Variants in MUC22 observed in about 807,000 individuals in gnomAD.
The protein encoded by MUC22 is mucin 22, also known as mucin-22.
Under a neutral mutation model 40.3 loss-of-function variants are expected in MUC22, and 24 were observed. The ratio of observed to expected loss-of-function variants is 0.60; its 90% CI spans 0.43 to 0.84. The LOEUF (loss-of-function observed/expected upper bound fraction) is 0.84, where lower values mean the gene tolerates loss of function less well. Among genes scored for constraint, MUC22 ranks in the 40% least tolerant of loss-of-function variants. The probability of loss-of-function intolerance (pLI) is 0.00; values close to 1 mark genes in which losing one functional copy is unlikely to be tolerated. For missense variants in MUC22, 1,926 were observed against 2,130.7 expected, an observed-to-expected ratio of 0.90 and a Z score of 1.89; for synonymous variants, 765 against 844.5, an observed-to-expected ratio of 0.91 and a Z score of 1.63.
intron 1 of MUC22, among the ~76,000 whole-genome samples, chr6:31,016,413 G>A (rs756914283): frequency 2.2e-4 from 33 of 152,280 alleles, no homozygotes; most frequent in Middle Eastern, 3.4e-3. Flanking sequence ...TAGCAGAGAC[G>A]TGGCAGTTTA....
intron 1 of MUC22, among the ~76,000 whole-genome samples, chr6:31,020,680 G>A (rs942269627): frequency 5.9e-5 from 9 of 152,156 alleles, no homozygotes; most frequent in Non-Finnish European, 1.0e-4. Flanking sequence ...TGGGCTGGCC[G>A]AGGCCAGAGC....
In MUC22 at chr6:31,032,801, C is replaced by A. The variant is rs186088081; in HGVS notation, c.5055+220C>A. 7.0e-4 allele frequency among the ~76,000 whole-genome samples: 107 copies of A among 152,048 alleles called. No individual in the cohort carries two copies. Among genetic ancestry groups the A allele is most frequent in the Non-Finnish European group, 1.3e-3 (85 of 67,984 alleles). On this transcript the variant is annotated intron_variant, in intron 3 of 3. Coordinates refer to ENST00000561890, the Ensembl canonical transcript of MUC22. This position sits in a 1 kb window ranked among gnomAD's most constrained non-coding sequence, Gnocchi z 4.1. ...GAGGAGGGAAAAGATGGAGTTGGGG[C>A]CAAAGTGAAGGGAAATACTGACAGA...
intron 1 of MUC22, among the ~76,000 whole-genome samples, chr6:31,017,062 G>A (rs139477060): frequency 6.6e-5 from 10 of 152,202 alleles, no homozygotes; most frequent in African/African-American, 1.4e-4. Flanking sequence ...CCTGCAGCCC[G>A]CCATGCCTGA....
intron 1 of MUC22, among the ~76,000 whole-genome samples, chr6:31,021,153 C>A (rs373070204): frequency 6.6e-6 from 1 of 152,252 alleles, no homozygotes. Flanking sequence ...GGCCCCGGGG[C>A]GGGATCCACT....
At position 31,011,639 on chromosome 6, in the gene MUC22, C is replaced by G. The variant is rs1763874331; in HGVS notation, c.70+863C>G. On this transcript the variant is annotated intron_variant, in intron 1 of 3. Coordinates refer to ENST00000561890, the Ensembl canonical transcript of MUC22. This position sits in a 1 kb window ranked among gnomAD's most constrained non-coding sequence, Gnocchi z 4.5. The stretch of plus-strand genomic sequence containing the variant: ...GACTTTGCAATTGTGAATTGTGCTG[C>G]TATAAACATGTGTGTGCAAGTGTCT... Among the ~76,000 whole-genome samples, 4 of 152,160 alleles carry G rather than the reference C, an allele frequency of 2.6e-5. No homozygotes were observed. The highest frequency in any genetic ancestry group is 2.6e-4 in the Admixed American group (4 of 15,280).
chr6:31,025,972 A>T (rs757637609), exon 2 of MUC22: 1 of 1,533,806 alleles, frequency 6.5e-7, no homozygotes, highest in South Asian at 1.2e-5. Flanking sequence ...GGCCTCCACC[A>T]CAGGCTCTGA....
chr6:31,021,909 ACTTTTTG>A (rs1248201387), intron 1 of MUC22, among the ~76,000 whole-genome samples: 2 of 152,136 alleles, frequency 1.3e-5, no homozygotes, highest in African/African-American at 4.8e-5. Flanking sequence ...GCTACTGCTC[ACTTTTTG>A]GGTCTACACT....
chr6:31,007,518 A>T (rs1486256506), upstream of MUC22, among the ~76,000 whole-genome samples: 1 of 152,196 alleles, frequency 6.6e-6, no homozygotes, highest in African/African-American at 2.4e-5. The surrounding 1 kb of genome is among the most constrained non-coding windows in gnomAD (Gnocchi z 4.0). Flanking sequence ...AATTGGGGGT[A>T]AACTAAAATT....
chr6:31,017,139 T>C (rs1427550236), intron 1 of MUC22, among the ~76,000 whole-genome samples: 1 of 152,200 alleles, frequency 6.6e-6, no homozygotes. Context: ...GCCCCTTGCT[T>C]TGCGGCACCC....
intron 1 of MUC22, among the ~76,000 whole-genome samples, chr6:31,020,877 G>C (rs1764656291): frequency 6.6e-6 from 1 of 152,212 alleles, no homozygotes; most frequent in African/African-American, 2.4e-5. Context: ...CAGTGGCTGC[G>C]GAGGGTGTAC....
At chr6:31,019,585 G>C (rs1764520333) in intron 1 of MUC22, among the ~76,000 whole-genome samples, 1 of 152,344 alleles carries the variant, frequency 6.6e-6, no homozygotes, top group East Asian at 1.9e-4. Context: ...CGGGTGCGGT[G>C]GCTCACGCCT....
intron 1 of MUC22, among the ~76,000 whole-genome samples, chr6:31,023,589 A>G (rs1765046250): frequency 6.6e-6 from 1 of 152,264 alleles, no homozygotes; most frequent in African/African-American, 2.4e-5. Context: ...CATTAAATGT[A>G]TATGGTCCAG....
chr6:31,022,536 A>C (rs12526568), intron 1 of MUC22, among the ~76,000 whole-genome samples: 1 of 150,584 alleles, frequency 6.6e-6, no homozygotes, highest in African/African-American at 2.5e-5. Flanking sequence ...TGTGCTGGAA[A>C]TGATAAATAT....
intron 3 of MUC22, among the ~76,000 whole-genome samples, chr6:31,034,014 C>T (rs1031185980): frequency 6.6e-6 from 1 of 152,168 alleles, no homozygotes; most frequent in African/African-American, 2.4e-5. Context: ...CGAAAGTGAA[C>T]ATTGAGTTTT....
At position 31,027,799 on chromosome 6, in the gene MUC22, AC is replaced by A. The variant is rs1287600911; in HGVS notation, c.2370del (p.Thr791GlnfsTer25). 7.8e-6 allele frequency: 12 copies of A among 1,534,566 alleles called. No homozygotes were observed. Among genetic ancestry groups the A allele is most frequent in the Non-Finnish European group, 9.6e-6 (11 of 1,146,592 alleles). On this transcript the variant is annotated frameshift_variant, in exon 2 of 4. Transcript: ENST00000561890. LOFTEE classifies it high-confidence loss of function. ...AGGCTCTGAGAACACTACAGTCTCC[AC>A]CACAGGCTCTGAGACCACTACAGTT... is the stretch of plus-strand genomic sequence containing the variant.
intron 2 of MUC22, among the ~76,000 whole-genome samples, chr6:31,030,578 C>CTTT (rs28383828): frequency 0.4 from 58,888 of 147,348 alleles, 11,906 homozygotes; most frequent in East Asian, 0.53. Flanking sequence ...GGTCTCACCT[C>CTTT]TTTTTTTTTA....
chr6:31,030,621 C>T (rs28374934), intron 2 of MUC22, among the ~76,000 whole-genome samples: 7,488 of 151,522 alleles, frequency 0.049, 393 homozygotes, highest in African/African-American at 0.12. Context: ...ATCAGAACCA[C>T]AATATAGTAA....
upstream of MUC22, among the ~76,000 whole-genome samples, chr6:31,010,096 T>A (rs1763762298): frequency 6.6e-6 from 1 of 152,206 alleles, no homozygotes; most frequent in Non-Finnish European, 1.5e-5. Flanking sequence ...GATAGACTGC[T>A]ATTGACCTTT....
At chr6:31,027,449 C>G in exon 2 of MUC22, 1 of 1,531,426 alleles carries the variant, frequency 6.5e-7, no homozygotes, top group Non-Finnish European at 8.7e-7. Flanking sequence ...ACTGAAGGCT[C>G]TGAGATGACT....
Sources: gnomAD v4.1 joint callset for allele counts (sites outside exome capture counted in the v4.1 genomes callset) on GRCh38, gnomAD v4.1.1 for gene constraint, Gnocchi (gnomAD v3.1) non-coding constraint, MANE v1.5 for transcripts, NCBI Gene and HGNC (gene_info 2026-07-23, HGNC 2026-07-21) for gene names.